ADGRL3: variants seen among roughly 807,000 people sequenced by gnomAD.
ADGRL3 encodes the protein adhesion G protein-coupled receptor L3, also known as calcium-independent alpha-latrotoxin receptor 3.
ADGRL3 carries 62 observed loss-of-function variants against 153.5 expected under a neutral mutation model. That is an observed-to-expected ratio of 0.40 (90% CI 0.33 to 0.50). The LOEUF is 0.50. ADGRL3 is among the 20% of genes least tolerant of loss of function. The pLI, the probability that ADGRL3 is intolerant of heterozygous loss-of-function variation, is 0.47. For synonymous variants in ADGRL3, 710 were observed against 672.5 expected (o/e 1.06, Z -0.86); for missense variants, 1,641 against 1,859.4 (o/e 0.88, Z 2.16).
chr4:61,513,670 A>G (rs561669231), intron 3 of ADGRL3, among the ~76,000 whole-genome samples: 77 of 152,202 alleles, frequency 5.1e-4, no homozygotes, highest in Non-Finnish European at 8.1e-4. Context: ...AATAACTCAT[A>G]TTACTTACAA....
At chr4:61,536,844 T>C (rs1234670147) in intron 4 of ADGRL3, among the ~76,000 whole-genome samples, 1 of 152,070 alleles carries the variant, frequency 6.6e-6, no homozygotes, top group Admixed American at 6.5e-5. Flanking sequence ...ATTTGCCAGA[T>C]AAATCTTTTA....
intron 5 of ADGRL3, among the ~76,000 whole-genome samples, chr4:61,634,777 T>G (rs2093344488): frequency 6.6e-6 from 1 of 152,140 alleles, no homozygotes; most frequent in Non-Finnish European, 1.5e-5. Flanking sequence ...ATAAAATATT[T>G]TAGCTCATCA....
At chr4:62,063,477 T>G in intron 25 of ADGRL3, 3 of 626,770 alleles carry the variant, frequency 4.8e-6, no homozygotes, top group Non-Finnish European at 8.5e-6. Context: ...TTTTTTTTTT[T>G]CTCTGTCTTT....
At chr4:62,025,666 T>C (rs1000927776) in intron 21 of ADGRL3, among the ~76,000 whole-genome samples, 10 of 152,202 alleles carry the variant, frequency 6.6e-5, no homozygotes, top group Admixed American at 2.0e-4. Context: ...TTTTTTCTTC[T>C]ATGAGGAATA....
intron 1 of ADGRL3, among the ~76,000 whole-genome samples, chr4:61,372,520 T>C: frequency 6.6e-6 from 1 of 152,202 alleles, no homozygotes; most frequent in Admixed American, 6.5e-5. Flanking sequence ...CTGCTCATGG[T>C]GCCTACCAGT....
At chr4:61,536,161 T>C (rs1373931921) in intron 4 of ADGRL3, among the ~76,000 whole-genome samples, 6 of 152,066 alleles carry the variant, frequency 3.9e-5, no homozygotes, top group African/African-American at 1.4e-4. Flanking sequence ...CAGGAGTGAG[T>C]TGTTTAGTTT....
intron 5 of ADGRL3, among the ~76,000 whole-genome samples, chr4:61,664,126 C>A (rs2094702443): frequency 1.3e-5 from 2 of 152,068 alleles, no homozygotes; most frequent in South Asian, 4.1e-4. Context: ...TAAAAAGAGG[C>A]TCAGTACTGA....
chr4:61,893,794 G>A lies in ADGRL3; in HGVS notation c.1783+836G>A, dbSNP rs371134330. On this transcript the variant is annotated intron_variant, in intron 10 of 26. Coordinates refer to ENST00000683033, the MANE Select transcript of ADGRL3 (RefSeq NM_001387552.1). ...GCAGCATGATCTCGGCTTACCCTCC[G>A]CCTCCAGGGTTCAAGTGATTCTCCT... Among the ~76,000 whole-genome samples the A allele has an allele frequency of 2.9e-4, 37 of 126,056 alleles. 1 individual carries two copies. Among genetic ancestry groups the A allele is most frequent in the Admixed American group, 8.5e-4 (8 of 9,416 alleles). 82.7% of individuals were successfully genotyped at this position (126,056 alleles called of 152,430 possible).
chr4:61,410,775 A>C (rs1218275778), intron 2 of ADGRL3, among the ~76,000 whole-genome samples: 5 of 152,158 alleles, frequency 3.3e-5, no homozygotes, highest in African/African-American at 1.2e-4. Flanking sequence ...GTCCTGAGCC[A>C]AGGAGTCACC....
At chr4:61,646,849 G>A (rs2094013564) in intron 5 of ADGRL3, among the ~76,000 whole-genome samples, 1 of 152,216 alleles carries the variant, frequency 6.6e-6, no homozygotes, top group South Asian at 2.1e-4. Flanking sequence ...ATCAAGCCTG[G>A]GCAATGGCGG....
intron 7 of ADGRL3, 36 bp from the exon 8 acceptor site, chr4:61,732,718 T>G (rs1222713737): frequency 8.6e-7 from 1 of 1,163,588 alleles, no homozygotes; most frequent in Non-Finnish European, 1.2e-6. Flanking sequence ...ATGAAATTAA[T>G]ATATTTATTT....
intron 3 of ADGRL3, among the ~76,000 whole-genome samples, chr4:61,498,368 G>T (rs908258566): frequency 2.0e-5 from 3 of 152,002 alleles, no homozygotes; most frequent in African/African-American, 7.3e-5. Flanking sequence ...GGCTAACACC[G>T]TGAAACCCCG....
At chr4:61,857,017 C>CTCTTTCT (rs2098281187) in intron 9 of ADGRL3, among the ~76,000 whole-genome samples, 2 of 91,196 alleles carry the variant, frequency 2.2e-5, no homozygotes, top group South Asian at 3.6e-4. Context: ...TCTTTCTTTC[C>CTCTTTCT]TTCCTCCCTT....
chr4:61,820,244 G>T (rs2097735851), intron 9 of ADGRL3, among the ~76,000 whole-genome samples: 1 of 152,164 alleles, frequency 6.6e-6, no homozygotes, highest in African/African-American at 2.4e-5. Flanking sequence ...AATGAGCAAA[G>T]TTGAGAGATT....
chr4:61,876,065 C>T (rs1377819558), intron 9 of ADGRL3, among the ~76,000 whole-genome samples: 1 of 151,434 alleles, frequency 6.6e-6, no homozygotes, highest in Non-Finnish European at 1.5e-5. Context: ...ATTCATAATG[C>T]AATTTTTAGG....
At chr4:61,900,528 T>C (rs1042400038) in intron 11 of ADGRL3, among the ~76,000 whole-genome samples, 2 of 152,060 alleles carry the variant, frequency 1.3e-5, no homozygotes, top group Admixed American at 1.3e-4. Flanking sequence ...AATACATTCA[T>C]AAAGATGAGA....
Position 61,909,629 on chromosome 4 carries a change from G to T in ADGRL3, c.1957G>T (p.Ala653Ser), listed in dbSNP as rs754482324. 2.5e-6 allele frequency: 4 copies of T among 1,613,348 alleles called. No homozygotes were observed. The East Asian group carries it at 8.9e-5, about 36-fold the overall frequency. ...TGAACAGACAAGAAATCACTTGAAT[G>T]CTGGGGACATCACCTACTCTGTCCG... ...LAEQTRNHLN[A>S]GDITYSVRAM... The change falls in exon 12 of 27, where the codon GCT becomes TCT. Residue 653 changes from alanine to serine, a missense_variant. Transcript: ENST00000683033.
At chr4:61,511,221 A>T (rs1487725429) in intron 3 of ADGRL3, among the ~76,000 whole-genome samples, 3 of 152,122 alleles carry the variant, frequency 2.0e-5, no homozygotes, top group Non-Finnish European at 4.4e-5. Flanking sequence ...TTAGCCGGAC[A>T]TGGTGGCGGG....
intron 1 of ADGRL3, among the ~76,000 whole-genome samples, chr4:61,382,781 T>G (rs1287902568): frequency 6.6e-6 from 1 of 151,826 alleles, no homozygotes; most frequent in Non-Finnish European, 1.5e-5. Flanking sequence ...GTATCTTAGC[T>G]TGAAGAGCCT....
Sources: allele counts gnomAD v4.1 joint callset (sites outside exome capture counted in the v4.1 genomes callset), GRCh38; gene constraint gnomAD v4.1.1; transcripts MANE v1.5; gene names NCBI Gene and HGNC (gene_info 2026-07-23, HGNC 2026-07-21).